Variants in ZNF474 observed in about 807,000 individuals in gnomAD.
ZNF474 encodes zinc finger protein 474, also known as 4933409D10Rik.
For synonymous variants in ZNF474, 192 were observed against 162.2 expected (o/e 1.18, Z -1.39); for missense variants, 511 against 433.8 (o/e 1.18, Z -1.58).
At chr5:122,138,074 T>C (rs1202652261) in intron 1 of ZNF474, among the ~76,000 whole-genome samples, 2 of 152,124 alleles carry the variant, frequency 1.3e-5, no homozygotes, top group African/African-American at 2.4e-5. Flanking sequence ...GGTTATCCAA[T>C]ATCAAATGGG....
chr5:122,146,448 C>T (rs1001341630), intron 1 of ZNF474, among the ~76,000 whole-genome samples: 2 of 151,940 alleles, frequency 1.3e-5, no homozygotes, highest in African/African-American at 4.8e-5. Context: ...TTTATAGTAT[C>T]AATTTTTTAA....
intron 1 of ZNF474, among the ~76,000 whole-genome samples, chr5:122,135,526 C>A (rs768720759): frequency 1.3e-5 from 2 of 152,036 alleles, no homozygotes; most frequent in African/African-American, 2.4e-5. Context: ...AAAGGGCAAC[C>A]CTTGTACACT....
chr5:122,151,344 C>G (rs750956711), intron 1 of ZNF474, among the ~76,000 whole-genome samples: 12 of 152,288 alleles, frequency 7.9e-5, no homozygotes, highest in South Asian at 2.1e-4. Context: ...TTAAGGATCT[C>G]TGACGTAGTG....
rs1190845916 is a variant in ZNF474, at chr5:122,153,411, CA to C, written c.*327del. 3.8e-6 allele frequency: 1 copy of C among 260,108 alleles called. No homozygotes were observed. The highest frequency in any genetic ancestry group is 7.7e-6 in the Non-Finnish European group (1 of 129,048). The allele number at this position is 260,108 out of a possible 1,614,324, so 16.1% of individuals were successfully genotyped here. A position where few individuals can be genotyped will look rare whatever the true frequency, so the allele number is the denominator to read the frequency against. Reference sequence around the variant, plus strand: ...TACAGAGATATAATTCCCATTCCAACAGCCAATATTTATTGTCGGTTTATTT... The same window carrying C: ...TACAGAGATATAATTCCCATTCCAACGCCAATATTTATTGTCGGTTTATTT... On this transcript the variant is annotated 3_prime_UTR_variant, in exon 2 of 2. Transcript: ENST00000296600.
intron 1 of ZNF474, among the ~76,000 whole-genome samples, chr5:122,138,351 T>C (rs879514527): frequency 3.3e-5 from 5 of 152,060 alleles, no homozygotes; most frequent in Non-Finnish European, 7.4e-5. Context: ...AAACCCACAA[T>C]AAGAGGGGGA....
Position 122,152,882 on chromosome 5 carries a change from C to A in ZNF474, c.892C>A (p.Arg298Ser), listed in dbSNP as rs752457587. The A allele has an allele frequency of 1.2e-6, 2 of 1,614,074 alleles. No individual in the cohort carries two copies. The highest frequency in any genetic ancestry group is 1.7e-6 in the Non-Finnish European group (2 of 1,180,034). ...TTGTAGCCGAATCTTTACCTCAGAC[C>A]GCCTCCTGGTACACCAGAGAAGTTG... Reference protein sequence around the residue: ...PHCSRIFTSDRLLVHQRSCKT... With the variant: ...PHCSRIFTSDSLLVHQRSCKT... The change falls in exon 2 of 2, where the codon CGC (arginine) becomes AGC (serine). Residue 298 changes from arginine to serine, a missense_variant. Transcript: ENST00000296600.
chr5:122,151,363 T>C (rs994658564), intron 1 of ZNF474, among the ~76,000 whole-genome samples: 2 of 152,206 alleles, frequency 1.3e-5, no homozygotes, highest in Admixed American at 6.5e-5. Context: ...TGGAAGTTTC[T>C]GTGGGGCCCA....
intron 1 of ZNF474, among the ~76,000 whole-genome samples, chr5:122,135,539 T>A (rs2152603556): frequency 6.6e-6 from 1 of 152,302 alleles, no homozygotes; most frequent in Non-Finnish European, 1.5e-5. Context: ...TGTACACTGT[T>A]GGTAGGAATG....
chr5:122,133,072 C>A (rs562658352), intron 1 of ZNF474, among the ~76,000 whole-genome samples: 6 of 151,984 alleles, frequency 3.9e-5, no homozygotes, highest in South Asian at 2.1e-4. Context: ...TAAGCAAAAG[C>A]CAAAAATATA....
In ZNF474 at chr5:122,132,090, C is replaced by T. The variant is rs574787494; in HGVS notation, c.-213+2407C>T. ...TCATAGAAATGGAATAATTAAGTAC[C>T]TATACTTCTTTAGCATTTGACTTTT... On this transcript the variant is annotated intron_variant, in intron 1 of 1. Transcript: ENST00000296600. Among the ~76,000 whole-genome samples, 3 of 152,158 alleles carry T rather than the reference C, an allele frequency of 2.0e-5. No homozygotes were observed. The South Asian group carries it at 6.2e-4, about 32-fold the overall frequency.
At chr5:122,134,664 G>C (rs1227214783) in intron 1 of ZNF474, among the ~76,000 whole-genome samples, 1 of 152,152 alleles carries the variant, frequency 6.6e-6, no homozygotes, top group Non-Finnish European at 1.5e-5. Flanking sequence ...CCCTTCTAAT[G>C]TTCAAGGAGT....
chr5:122,139,087 C>T (rs1449523500), intron 1 of ZNF474, among the ~76,000 whole-genome samples: 4 of 152,072 alleles, frequency 2.6e-5, no homozygotes, highest in Non-Finnish European at 5.9e-5. Context: ...TCTTGGATTG[C>T]TTTATCTGTT....
Position 122,152,020 on chromosome 5 carries a change from CA to C in ZNF474, c.32del (p.Asn11IlefsTer44). 1 of 1,609,918 alleles carries C rather than the reference CA, an allele frequency of 6.2e-7. No individual in the cohort carries two copies. The highest frequency in any genetic ancestry group is 8.5e-7 in the Non-Finnish European group (1 of 1,179,008). On this transcript the variant is annotated frameshift_variant, in exon 2 of 2. Transcript: ENST00000296600. LOFTEE classifies it low-confidence loss of function (END_TRUNC). Reference sequence around the variant, plus strand: ...AAAGAGGAAAGAAGAAAAGAATTTCCAATAAGTTACAACAAACTTTTCACCA... The same window carrying C: ...AAAGAGGAAAGAAGAAAAGAATTTCCATAAGTTACAACAAACTTTTCACCA... MERGKKKRIS[N>X]KLQQTFHHSK...
chr5:122,134,428 A>G (rs974058720), intron 1 of ZNF474, among the ~76,000 whole-genome samples: 1 of 152,254 alleles, frequency 6.6e-6, no homozygotes, highest in African/African-American at 2.4e-5. Context: ...CTTAATGTTA[A>G]AATGAAATCT....
rs577403869 is a variant in ZNF474, at chr5:122,153,175, G to A, written c.*90G>A. 4.7e-4 allele frequency: 712 copies of A among 1,504,282 alleles called. 14 individuals carry two copies. In the South Asian group the frequency reaches 9.3e-3, roughly 20 times the overall value. The allele number at this position is 1,504,282 out of a possible 1,614,324, so 93.2% of individuals were successfully genotyped here. A position where few individuals can be genotyped will look rare whatever the true frequency, so the allele number is the denominator to read the frequency against. Reference sequence around the variant, plus strand: ...CCTTGTATCAGCCTCAAAGCAGCCTGTTCAAGTTAACTCCCTGTTGAACTC... The same window carrying A: ...CCTTGTATCAGCCTCAAAGCAGCCTATTCAAGTTAACTCCCTGTTGAACTC... On this transcript the variant is annotated 3_prime_UTR_variant, in exon 2 of 2. Coordinates refer to ENST00000296600, the MANE Select transcript of ZNF474 (RefSeq NM_207317.3).
intron 1 of ZNF474, among the ~76,000 whole-genome samples, chr5:122,129,998 A>T (rs1580592717): frequency 6.6e-6 from 1 of 152,228 alleles, no homozygotes; most frequent in African/African-American, 2.4e-5. Flanking sequence ...TACCTAAAAA[A>T]TAATAAAATT....
chr5:122,132,553 T>C (rs1271594029), intron 1 of ZNF474, among the ~76,000 whole-genome samples: 1 of 152,126 alleles, frequency 6.6e-6, no homozygotes, highest in Non-Finnish European at 1.5e-5. Context: ...TTCTTTTGTG[T>C]TTTGTCTAAC....
chr5:122,147,657 G>A (rs938096962), intron 1 of ZNF474, among the ~76,000 whole-genome samples: 4 of 152,026 alleles, frequency 2.6e-5, no homozygotes, highest in Admixed American at 6.6e-5. Context: ...AGTCTGCTCA[G>A]AATGATGGTT....
chr5:122,141,932 T>C (rs1032058105), intron 1 of ZNF474, among the ~76,000 whole-genome samples: 2 of 152,218 alleles, frequency 1.3e-5, no homozygotes, highest in Non-Finnish European at 2.9e-5. Flanking sequence ...TTCTCCACAT[T>C]TGATGACTCA....
Sources: allele counts gnomAD v4.1 joint callset (sites outside exome capture counted in the v4.1 genomes callset), GRCh38; gene constraint gnomAD v4.1.1; transcripts MANE v1.5; gene names NCBI Gene and HGNC (gene_info 2026-07-23, HGNC 2026-07-21).